The following CA1 variants were observed in gnomAD, a reference collection of about 807,000 sequenced individuals.
The protein encoded by CA1 is carbonic anhydrase 1.
In CA1, 27 loss-of-function variants were observed where a neutral mutation model predicts 28.8. The ratio of observed to expected loss-of-function variants is 0.94; its 90% CI spans 0.69 to 1.29. CA1 has a LOEUF of 1.29. Ranked by LOEUF, CA1 falls within the 50% of genes most tolerant of loss-of-function variation. The pLI is 0.00. For missense variants in CA1, 335 were observed against 310.5 expected, an observed-to-expected ratio of 1.08 and a Z score of -0.59; for synonymous variants, 121 against 108.8, an observed-to-expected ratio of 1.11 and a Z score of -0.70.
intron 1 of CA1, among the ~76,000 whole-genome samples, chr8:85,343,789 C>T (rs529849815): frequency 7.2e-5 from 11 of 151,776 alleles, no homozygotes; most frequent in Non-Finnish European, 1.5e-4. Flanking sequence ...TCATTATGTA[C>T]CCAGGGTGTG....
Position 85,327,611 on chromosome 8 carries a change from A to C in CA1, c.*949T>G, listed in dbSNP as rs1019172146. The C allele has an allele frequency of 6.6e-6, 1 of 152,336 alleles. No individual in the cohort carries two copies. Among genetic ancestry groups the C allele is most frequent in the East Asian group, 1.9e-4 (1 of 5,176 alleles). The allele number at this position is 152,336 out of a possible 1,614,324, so 9.4% of individuals were successfully genotyped here. On this transcript the variant is annotated 3_prime_UTR_variant, in exon 8 of 8. Transcript: ENST00000523022. ...GGCTGCAGTGAGCTATGATCACACC[A>C]TCGCACTCCACCCTGACTGGCAGAG...
At chr8:85,347,525 T>C (rs992595859) in intron 1 of CA1, among the ~76,000 whole-genome samples, 1 of 152,172 alleles carries the variant, frequency 6.6e-6, no homozygotes, top group African/African-American at 2.4e-5. Flanking sequence ...TGCCTGTAAT[T>C]TCAGGTGGGC....
At chr8:85,348,171 T>C (rs1809275179) in intron 1 of CA1, among the ~76,000 whole-genome samples, 1 of 152,232 alleles carries the variant, frequency 6.6e-6, no homozygotes, top group East Asian at 1.9e-4. Flanking sequence ...ACTCACTGTT[T>C]TTCTAAATTA....
intron 1 of CA1, among the ~76,000 whole-genome samples, chr8:85,343,650 AC>A (rs1415184743): frequency 6.6e-6 from 1 of 151,920 alleles, no homozygotes; most frequent in Non-Finnish European, 1.5e-5. Context: ...AAAAACAGCA[AC>A]CCCCTTTCAT....
At chr8:85,352,455 A>G (rs1045680054) in intron 1 of CA1, among the ~76,000 whole-genome samples, 2 of 152,140 alleles carry the variant, frequency 1.3e-5, no homozygotes, top group Non-Finnish European at 2.9e-5. Flanking sequence ...TTGAATGTCC[A>G]ACCAATACCG....
chr8:85,329,800 A>C lies in CA1; in HGVS notation c.558T>G (p.Leu186=), dbSNP rs765890534. 6.2e-7 allele frequency: 1 copy of C among 1,602,418 alleles called. No individual in the cohort carries two copies. Among genetic ancestry groups the C allele is most frequent in the Non-Finnish European group, 8.5e-7 (1 of 1,173,320 alleles). ...AGGTCCAGAAATCCAGGGATGAAGG[A>C]AGGAGAGTAGAGGGGTCAAAATTTG... ...PFTNFDPSTL[L]PSSLDFWTYP... is the part of the protein sequence containing the mutation. The change falls in exon 7 of 8, where the codon CTT becomes CTG. Residue 186 remains leucine, a synonymous_variant. Transcript: ENST00000523022.
chr8:85,335,049 T>C (rs1808593099), intron 4 of CA1, among the ~76,000 whole-genome samples: 1 of 152,020 alleles, frequency 6.6e-6, no homozygotes, highest in African/African-American at 2.4e-5. Flanking sequence ...ATTGTAGGTG[T>C]CCAGTGAATA....
chr8:85,332,741 A>G (rs181005816), intron 5 of CA1, among the ~76,000 whole-genome samples, 189 bp from the exon 6 acceptor site: 37 of 152,298 alleles, frequency 2.4e-4, no homozygotes, highest in Non-Finnish European at 5.9e-5. Context: ...TGTTTATAAT[A>G]TGTACCTACA....
At chr8:85,363,848 C>T (rs778752408) in intron 1 of CA1, among the ~76,000 whole-genome samples, 9 of 152,220 alleles carry the variant, frequency 5.9e-5, no homozygotes, top group Non-Finnish European at 1.3e-4. Flanking sequence ...CATTGCTTTG[C>T]ATAAAAGGCA....
chr8:85,376,644 G>A (rs1022803321), intron 1 of CA1, among the ~76,000 whole-genome samples: 2 of 150,210 alleles, frequency 1.3e-5, no homozygotes, highest in African/African-American at 4.9e-5. Context: ...CCTGGTGACA[G>A]AGAAATTGTC....
chr8:85,330,830 T>C (rs1421620851), intron 6 of CA1, among the ~76,000 whole-genome samples: 1 of 152,184 alleles, frequency 6.6e-6, no homozygotes, highest in Non-Finnish European at 1.5e-5. Flanking sequence ...AACTACTCTT[T>C]TAAAACACTG....
chr8:85,367,092 T>C (rs1000638020), intron 1 of CA1, among the ~76,000 whole-genome samples: 2 of 151,986 alleles, frequency 1.3e-5, no homozygotes, highest in African/African-American at 4.8e-5. Context: ...AGAGACAGAT[T>C]ATAGAATTTA....
At chr8:85,370,743 G>A (rs1016124474) in intron 1 of CA1, among the ~76,000 whole-genome samples, 8 of 151,864 alleles carry the variant, frequency 5.3e-5, no homozygotes, top group South Asian at 2.1e-4. Flanking sequence ...TTCTTTTCTC[G>A]CTAATATTTA....
chr8:85,372,432 C>G (rs1258706761), intron 1 of CA1, among the ~76,000 whole-genome samples: 1 of 152,134 alleles, frequency 6.6e-6, no homozygotes, highest in Non-Finnish European at 1.5e-5. Context: ...AAGAATTAAA[C>G]ACAGAACTAC....
At chr8:85,371,497 T>G (rs1302075689) in intron 1 of CA1, among the ~76,000 whole-genome samples, 1 of 152,106 alleles carries the variant, frequency 6.6e-6, no homozygotes, top group Non-Finnish European at 1.5e-5. Flanking sequence ...ACGGGGTCTC[T>G]GAATATTGCA....
At chr8:85,362,050 T>C (rs1460734913) in intron 1 of CA1, among the ~76,000 whole-genome samples, 2 of 152,182 alleles carry the variant, frequency 1.3e-5, no homozygotes, top group African/African-American at 2.4e-5. Context: ...AAAATACGTT[T>C]TTGGGGCTAA....
chr8:85,337,834 T>C (rs2130183530), intron 3 of CA1, among the ~76,000 whole-genome samples: 1 of 152,306 alleles, frequency 6.6e-6, no homozygotes, highest in African/African-American at 2.4e-5. Context: ...TTCTGGAGTA[T>C]AAGGATAATT....
intron 1 of CA1, chr8:85,341,906 T>G (rs574117749): frequency 5.7e-6 from 2 of 353,612 alleles, no homozygotes; most frequent in Non-Finnish European, 1.0e-5. Flanking sequence ...GATCCTAGAT[T>G]TTATAAAGCC....
At chr8:85,366,743 T>C (rs1305387531) in intron 1 of CA1, among the ~76,000 whole-genome samples, 1 of 152,208 alleles carries the variant, frequency 6.6e-6, no homozygotes, top group East Asian at 1.9e-4. Context: ...ATAGTGATAC[T>C]AGACAAGTGC....
Sources: allele counts gnomAD v4.1 joint callset (sites outside exome capture counted in the v4.1 genomes callset), GRCh38; gene constraint gnomAD v4.1.1; transcripts MANE v1.5; gene names NCBI Gene and HGNC (gene_info 2026-07-23, HGNC 2026-07-21).